Variants in CRB1 observed in about 807,000 individuals in gnomAD.
CRB1 encodes protein crumbs homolog 1.
Under a neutral mutation model 120.0 loss-of-function variants are expected in CRB1, and 83 were observed. The ratio of observed to expected loss-of-function variants is 0.69; its 90% CI spans 0.58 to 0.83. CRB1 has a LOEUF of 0.83. Among genes scored for constraint, CRB1 ranks in the 40% least tolerant of loss-of-function variants. The probability of loss-of-function intolerance (pLI) is 0.00; values close to 1 mark genes in which losing one functional copy is unlikely to be tolerated. For missense variants in CRB1, 1,699 were observed against 1,687.6 expected (o/e 1.01, Z -0.12); for synonymous variants, 625 against 612.5 (o/e 1.02, Z -0.30).
intron 5 of CRB1, among the ~76,000 whole-genome samples, chr1:197,376,909 C>G (rs944488443): frequency 1.3e-5 from 2 of 152,172 alleles, no homozygotes; most frequent in Non-Finnish European, 1.5e-5. Flanking sequence ...AGTCCTCACT[C>G]TCTTCACTGT....
intron 3 of CRB1, 138 bp from the exon 4 acceptor site, chr1:197,347,202 T>G: frequency 1.3e-6 from 1 of 782,668 alleles, no homozygotes; most frequent in Middle Eastern, 2.9e-4. Flanking sequence ...CAGTCCTGTA[T>G]AGATAATTCC....
At chr1:197,295,735 G>C (rs762678591) in intron 1 of CRB1, among the ~76,000 whole-genome samples, 4 of 151,972 alleles carry the variant, frequency 2.6e-5, no homozygotes, top group Non-Finnish European at 5.9e-5. Context: ...GGAGATATTT[G>C]TCAGACTGTA....
At chr1:197,290,338 A>G (rs1656100905) in intron 1 of CRB1, among the ~76,000 whole-genome samples, 1 of 148,836 alleles carries the variant, frequency 6.7e-6, no homozygotes, top group Non-Finnish European at 1.5e-5. Context: ...TCATATGGGT[A>G]CTGTAAATGG....
chr1:197,443,423 A>T (rs1665554663), intron 11 of CRB1: 3 of 152,110 alleles, frequency 2.0e-5, no homozygotes, highest in South Asian at 4.2e-4. Context: ...TTTTCCTAAC[A>T]AATAGAACAA....
intron 5 of CRB1, among the ~76,000 whole-genome samples, chr1:197,384,642 A>G (rs960981881): frequency 3.3e-5 from 5 of 152,112 alleles, no homozygotes; most frequent in African/African-American, 1.2e-4. Context: ...GAAGTCCTCA[A>G]CATTGACAAT....
intron 5 of CRB1, among the ~76,000 whole-genome samples, chr1:197,379,392 T>G (rs578238313): frequency 6.6e-6 from 1 of 151,922 alleles, no homozygotes. Flanking sequence ...CTTTGCCTCC[T>G]GAGTTCACGC....
chr1:197,304,895 C>A (rs944239529), intron 1 of CRB1, among the ~76,000 whole-genome samples: 1 of 152,176 alleles, frequency 6.6e-6, no homozygotes, highest in Non-Finnish European at 1.5e-5. Context: ...GGCAGTGACA[C>A]AGAGGCAGTC....
At chr1:197,292,878 A>T (rs550295158) in intron 1 of CRB1, among the ~76,000 whole-genome samples, 11 of 152,082 alleles carry the variant, frequency 7.2e-5, no homozygotes, top group Non-Finnish European at 1.5e-4. Flanking sequence ...TGCTAAAAAA[A>T]CTCTCAATAA....
intron 5 of CRB1, among the ~76,000 whole-genome samples, chr1:197,389,498 G>A (rs1463714236): frequency 1.3e-5 from 2 of 152,088 alleles, no homozygotes; most frequent in Non-Finnish European, 2.9e-5. Context: ...TAATTTCATA[G>A]AGTCAGAAAT....
At chr1:197,350,894 C>A in intron 4 of CRB1, among the ~76,000 whole-genome samples, 1 of 152,130 alleles carries the variant, frequency 6.6e-6, no homozygotes, top group South Asian at 2.1e-4. Flanking sequence ...GTATATAAAA[C>A]TCCTGGCTTA....
At chr1:197,263,128 T>C in the CRB1 span, among the ~76,000 whole-genome samples, 4 of 152,224 alleles carry the variant, frequency 2.6e-5, no homozygotes, top group Non-Finnish European at 5.9e-5. Context: ...GTGGCTGAAC[T>C]AATTTACATT....
the CRB1 span, among the ~76,000 whole-genome samples, chr1:197,234,394 T>A: frequency 6.6e-6 from 1 of 152,218 alleles, no homozygotes; most frequent in South Asian, 2.1e-4. Context: ...ACAGCCCATG[T>A]AGTGAGGAAC....
upstream of CRB1, among the ~76,000 whole-genome samples, chr1:197,263,912 A>G (rs1465819985): frequency 1.3e-5 from 2 of 152,180 alleles, no homozygotes; most frequent in Non-Finnish European, 2.9e-5. Flanking sequence ...ATTTTCGAAT[A>G]GGCCTAATCA....
chr1:197,305,625 A>T (rs1420962297), intron 1 of CRB1, among the ~76,000 whole-genome samples: 1 of 151,972 alleles, frequency 6.6e-6, no homozygotes, highest in Non-Finnish European at 1.5e-5. Flanking sequence ...TACAGCATTC[A>T]TCTTGGGTTA....
chr1:197,355,283 C>G (rs1302876658), intron 4 of CRB1, among the ~76,000 whole-genome samples: 1 of 152,224 alleles, frequency 6.6e-6, no homozygotes, highest in Admixed American at 6.5e-5. Context: ...CATCCACAAT[C>G]CCTTAGCTAG....
intron 5 of CRB1, among the ~76,000 whole-genome samples, chr1:197,365,137 C>G (rs1461081235): frequency 6.6e-6 from 1 of 152,124 alleles, no homozygotes; most frequent in African/African-American, 2.4e-5. Flanking sequence ...CTTGGCTTAC[C>G]TTGTGCCATT....
In CRB1 at chr1:197,268,409, G is replaced by A; in HGVS notation, c.-4G>A. ...ACACCAGAGGATGTTCTCTAAATAA[G>A]ACCATGGCACTTAAGAACATTAACT... On this transcript the variant is annotated 5_prime_UTR_variant, in exon 1 of 12. Transcript: ENST00000367400. 6.2e-7 allele frequency: 1 copy of A among 1,605,042 alleles called. No homozygotes were observed. Among genetic ancestry groups the A allele is most frequent in the Non-Finnish European group, 8.5e-7 (1 of 1,171,906 alleles).
intron 6 of CRB1, among the ~76,000 whole-genome samples, chr1:197,425,374 T>C (rs1421712759): frequency 5.3e-5 from 8 of 152,190 alleles, no homozygotes; most frequent in Non-Finnish European, 7.3e-5. Flanking sequence ...ATGCAGAAGA[T>C]CTTCAAACAC....
chr1:197,360,285 T>C (rs1306326702), intron 5 of CRB1: 1 of 152,228 alleles, frequency 6.6e-6, no homozygotes, highest in Non-Finnish European at 1.5e-5. Context: ...TGCTTAAACA[T>C]ATGTATCATA....
Sources: allele counts gnomAD v4.1 joint callset (sites outside exome capture counted in the v4.1 genomes callset), GRCh38; gene constraint gnomAD v4.1.1; transcripts MANE v1.5; gene names NCBI Gene and HGNC (gene_info 2026-07-23, HGNC 2026-07-21).